SMYD3: variants seen among roughly 807,000 people sequenced by gnomAD.
The protein encoded by SMYD3 is histone-lysine N-methyltransferase SMYD3.
SMYD3 carries 36 observed loss-of-function variants against 57.7 expected under a neutral mutation model. The observed-to-expected ratio is 0.62, with a 90% CI of 0.48 to 0.82. SMYD3 has a LOEUF of 0.82. Ranked by LOEUF, SMYD3 falls within the 40% of genes least tolerant of loss-of-function variation. SMYD3 has a pLI of 0.00. For synonymous variants in SMYD3, 211 were observed against 195.0 expected (o/e 1.08, Z -0.68); for missense variants, 515 against 538.8 (o/e 0.96, Z 0.44).
chr1:245,921,576 T>TAC (rs58290382), intron 7 of SMYD3, among the ~76,000 whole-genome samples: 2,310 of 147,392 alleles, frequency 0.016, 77 homozygotes, highest in Admixed American at 0.054. Context: ...TATATACACA[T>TAC]ACCATGGAAT....
chr1:246,228,808 AAAG>A (rs1158760864), intron 5 of SMYD3, among the ~76,000 whole-genome samples: 2 of 145,114 alleles, frequency 1.4e-5, no homozygotes, highest in African/African-American at 5.0e-5. Flanking sequence ...GTTTTTTCTA[AAAG>A]AAGCCTTCTT....
intron 1 of SMYD3, among the ~76,000 whole-genome samples, chr1:246,440,258 A>AT (rs2067442571): frequency 6.6e-6 from 1 of 152,300 alleles, no homozygotes; most frequent in South Asian, 2.1e-4. Flanking sequence ...TTTGGAATCT[A>AT]TTTTTACCAC....
intron 1 of SMYD3, among the ~76,000 whole-genome samples, chr1:246,432,081 A>G (rs1390212954): frequency 6.6e-6 from 1 of 152,198 alleles, no homozygotes; most frequent in African/African-American, 2.4e-5. Context: ...TAATCTAACA[A>G]TTATGCCAAA....
intron 1 of SMYD3, among the ~76,000 whole-genome samples, chr1:246,443,702 A>G (rs935938808): frequency 2.0e-5 from 3 of 152,160 alleles, no homozygotes; most frequent in Non-Finnish European, 4.4e-5. Flanking sequence ...TGCTCTTCTG[A>G]CATTTTAGGT....
At chr1:245,851,225 T>C (rs2050956517) in intron 10 of SMYD3, among the ~76,000 whole-genome samples, 1 of 152,198 alleles carries the variant, frequency 6.6e-6, no homozygotes, top group African/African-American at 2.4e-5. Context: ...CAGGTGCCCC[T>C]CAGCTGGCTG....
intron 5 of SMYD3, among the ~76,000 whole-genome samples, chr1:246,207,914 T>C (rs1019963101): frequency 5.3e-5 from 8 of 152,044 alleles, no homozygotes; most frequent in African/African-American, 1.7e-4. Context: ...AGCAGTAAAT[T>C]TGGGGGTTAT....
chr1:246,345,710 C>T (rs2148688441), intron 2 of SMYD3, among the ~76,000 whole-genome samples: 1 of 152,226 alleles, frequency 6.6e-6, no homozygotes, highest in South Asian at 2.1e-4. Flanking sequence ...CCAGGGACAG[C>T]CAATTCTAAG....
At chr1:245,873,266 T>G (rs1373748305) in intron 8 of SMYD3, among the ~76,000 whole-genome samples, 1 of 152,216 alleles carries the variant, frequency 6.6e-6, no homozygotes, top group Non-Finnish European at 1.5e-5. Flanking sequence ...TAATGGGGAT[T>G]AGATGACACA....
At chr1:246,381,632 T>C (rs1478076931) in intron 1 of SMYD3, among the ~76,000 whole-genome samples, 1 of 152,204 alleles carries the variant, frequency 6.6e-6, no homozygotes, top group Admixed American at 6.5e-5. Context: ...CCTCTTTATA[T>C]CGCCATCCAT....
chr1:245,786,216 G>GGT (rs560770438), intron 10 of SMYD3, among the ~76,000 whole-genome samples: 21 of 138,422 alleles, frequency 1.5e-4, no homozygotes, highest in African/African-American at 5.2e-4. Flanking sequence ...GTGTGGACGG[G>GGT]GGGGGGATGG....
intron 5 of SMYD3, among the ~76,000 whole-genome samples, chr1:245,980,411 C>T (rs1047611347): frequency 2.6e-5 from 4 of 152,184 alleles, no homozygotes; most frequent in Admixed American, 1.3e-4. Context: ...AGCCCAGCAC[C>T]AGGTAAGAGG....
intron 10 of SMYD3, among the ~76,000 whole-genome samples, chr1:245,773,693 T>A (rs2046428680): frequency 6.6e-6 from 1 of 152,206 alleles, no homozygotes; most frequent in Admixed American, 6.5e-5. Context: ...TTTGATGACA[T>A]CTTGAAGGAT....
chr1:246,086,683 C>CA (rs1403332497), intron 5 of SMYD3, among the ~76,000 whole-genome samples: 1 of 151,834 alleles, frequency 6.6e-6, no homozygotes, highest in Non-Finnish European at 1.5e-5. Context: ...TACCATATGA[C>CA]ACCTAAAATG....
intron 6 of SMYD3, among the ~76,000 whole-genome samples, chr1:245,929,487 C>T (rs1179999638): frequency 6.6e-6 from 1 of 152,146 alleles, no homozygotes; most frequent in Non-Finnish European, 1.5e-5. Context: ...ACTCGAAAGA[C>T]AACATGAACC....
intron 3 of SMYD3, among the ~76,000 whole-genome samples, chr1:246,334,563 G>A (rs1284962183): frequency 1.3e-5 from 2 of 152,136 alleles, no homozygotes; most frequent in African/African-American, 4.8e-5. Context: ...ATACGAGGGG[G>A]AGGTAAGAAG....
rs918904347 is a variant in SMYD3 at position 245,779,442 on chromosome 1, C to A, written c.1077-15293G>T. 2.0e-5 allele frequency among the ~76,000 whole-genome samples: 3 copies of A among 152,060 alleles called. No individual in the cohort carries two copies. In the South Asian group the frequency reaches 6.2e-4, roughly 32 times the overall value. On this transcript the variant is annotated intron_variant, in intron 10 of 11. Transcript: ENST00000490107. ...TTTTCCAATGAGCACCACCACGTAC[C>A]CTTTACCACAGGTCAACAGGCTAGT...
At chr1:246,013,329 G>A in intron 5 of SMYD3, among the ~76,000 whole-genome samples, 1 of 152,100 alleles carries the variant, frequency 6.6e-6, no homozygotes, top group East Asian at 1.9e-4. Flanking sequence ...ACAGGCACGT[G>A]CCACCATGTC....
At chr1:246,106,142 AC>A (rs1176996156) in intron 5 of SMYD3, among the ~76,000 whole-genome samples, 1 of 152,140 alleles carries the variant, frequency 6.6e-6, no homozygotes, top group Non-Finnish European at 1.5e-5. Flanking sequence ...AACCATGTTA[AC>A]CCATATCCGG....
chr1:245,994,621 C>A (rs1321365456), intron 5 of SMYD3, among the ~76,000 whole-genome samples: 1 of 152,130 alleles, frequency 6.6e-6, no homozygotes, highest in Admixed American at 6.5e-5. Flanking sequence ...TTCCATGAGG[C>A]CTTTGCTTGC....
Sources: allele counts gnomAD v4.1 joint callset (sites outside exome capture counted in the v4.1 genomes callset), GRCh38; gene constraint gnomAD v4.1.1; transcripts MANE v1.5; gene names NCBI Gene and HGNC (gene_info 2026-07-23, HGNC 2026-07-21).